Variants in FSTL5 observed in about 807,000 individuals in gnomAD.
The protein encoded by FSTL5 is follistatin like 5, also known as follistatin-related protein 5.
Under a neutral mutation model 89.1 loss-of-function variants are expected in FSTL5, and 62 were observed. That is an observed-to-expected ratio of 0.70 (90% CI 0.57 to 0.86). The LOEUF (loss-of-function observed/expected upper bound fraction) is 0.86. Ranked by LOEUF, FSTL5 falls within the 40% of genes least tolerant of loss-of-function variation. FSTL5 has a pLI of 0.00. For synonymous variants in FSTL5, 383 were observed against 346.2 expected (o/e 1.11, Z -1.18); for missense variants, 1,057 against 1,001.6 (o/e 1.06, Z -0.75).
chr4:161,969,464 G>T (rs1287875823), intron 3 of FSTL5, among the ~76,000 whole-genome samples: 2 of 152,066 alleles, frequency 1.3e-5, no homozygotes, highest in African/African-American at 4.8e-5. Context: ...AGCAGAATTT[G>T]TTAGAAAAGA....
chr4:162,045,754 T>C (rs1349629144), intron 2 of FSTL5, among the ~76,000 whole-genome samples: 1 of 152,088 alleles, frequency 6.6e-6, no homozygotes, highest in African/African-American at 2.4e-5. Context: ...TATAAAGAGG[T>C]ATGCTTGTTG....
intron 3 of FSTL5, among the ~76,000 whole-genome samples, chr4:161,988,744 A>G (rs866118210): frequency 1.3e-5 from 2 of 152,148 alleles, no homozygotes; most frequent in Middle Eastern, 3.2e-3. Context: ...TAAGAAATAT[A>G]AGATGCTAAG....
chr4:161,660,990 ATAAT>A (rs1360314331), intron 6 of FSTL5, among the ~76,000 whole-genome samples: 1 of 152,078 alleles, frequency 6.6e-6, no homozygotes, highest in Non-Finnish European at 1.5e-5. Flanking sequence ...TTGTAATAGG[ATAAT>A]TAATATTGTA....
chr4:161,585,431 G>A (rs1412316084), intron 8 of FSTL5, among the ~76,000 whole-genome samples: 1 of 152,064 alleles, frequency 6.6e-6, no homozygotes, highest in Admixed American at 6.6e-5. Context: ...TTTCTTTTAT[G>A]TGATTCTGAT....
chr4:161,446,212 A>G (rs191019108), intron 15 of FSTL5, among the ~76,000 whole-genome samples: 50 of 152,154 alleles, frequency 3.3e-4, no homozygotes, highest in African/African-American at 1.1e-3. Flanking sequence ...AGCCACCATC[A>G]CTAATTTTAC....
chr4:161,644,463 T>C (rs1283827554), intron 7 of FSTL5, among the ~76,000 whole-genome samples: 4 of 151,392 alleles, frequency 2.6e-5, no homozygotes, highest in East Asian at 2.0e-4. Flanking sequence ...GAGGTGGAGG[T>C]TGTAGTGAGC....
chr4:161,573,407 C>A lies in FSTL5; in HGVS notation c.1015+14048G>T, dbSNP rs1219315549. ...TCCAGCCTAGATGACAGACTAAAAC[C>A]CTGTCAAAAAAAAAAAAAAAAAAAG... On this transcript the variant is annotated intron_variant, in intron 8 of 15. Coordinates refer to ENST00000306100, the MANE Select transcript of FSTL5 (RefSeq NM_020116.5). Among the ~76,000 whole-genome samples, 3 of 81,952 alleles carry A rather than the reference C, an allele frequency of 3.7e-5. No individual in the cohort carries two copies. In the East Asian group the frequency reaches 9.4e-4, roughly 26 times the overall value. The allele number at this position is 81,952 out of a possible 152,430, so 53.8% of individuals were successfully genotyped here.
At chr4:161,816,606 T>G (rs1730333613) in intron 4 of FSTL5, among the ~76,000 whole-genome samples, 2 of 152,336 alleles carry the variant, frequency 1.3e-5, no homozygotes, top group South Asian at 4.1e-4. Context: ...GAGGAACTCT[T>G]TCTGAGAAAT....
chr4:161,450,749 T>G (rs1455603188), intron 15 of FSTL5, among the ~76,000 whole-genome samples: 2 of 150,596 alleles, frequency 1.3e-5, no homozygotes, highest in African/African-American at 4.9e-5. Flanking sequence ...TCATTTTTTT[T>G]TTTTTTTTTT....
chr4:161,904,986 A>G (rs1733479647), intron 4 of FSTL5, among the ~76,000 whole-genome samples: 1 of 152,008 alleles, frequency 6.6e-6, no homozygotes, highest in South Asian at 2.1e-4. Flanking sequence ...TCATGAATTT[A>G]TTATTATCCA....
chr4:161,892,270 T>A (rs1426358255), intron 4 of FSTL5, among the ~76,000 whole-genome samples: 5 of 152,004 alleles, frequency 3.3e-5, no homozygotes, highest in African/African-American at 7.2e-5. Flanking sequence ...TGGCTTCCCT[T>A]CTTAGTGACA....
chr4:161,818,456 C>G (rs1730395730), intron 4 of FSTL5, among the ~76,000 whole-genome samples: 1 of 152,182 alleles, frequency 6.6e-6, no homozygotes. Context: ...TCAACACAAG[C>G]CGCCTATGGA....
At chr4:161,828,471 G>T (rs1730737506) in intron 4 of FSTL5, among the ~76,000 whole-genome samples, 1 of 152,066 alleles carries the variant, frequency 6.6e-6, no homozygotes, top group Non-Finnish European at 1.5e-5. Context: ...ATTTAGTCCT[G>T]CCTTCTATCT....
At chr4:161,389,371 T>G (rs944427450) in intron 15 of FSTL5, among the ~76,000 whole-genome samples, 8 of 152,150 alleles carry the variant, frequency 5.3e-5, no homozygotes, top group Non-Finnish European at 2.9e-5. Context: ...GCTCTCAGCA[T>G]AGCATGGTAT....
At chr4:161,590,477 T>A (rs1358430825) in intron 7 of FSTL5, among the ~76,000 whole-genome samples, 9 of 152,160 alleles carry the variant, frequency 5.9e-5, no homozygotes, top group Middle Eastern at 3.2e-3. Flanking sequence ...AGGTGGAGGT[T>A]GCAGTGAGCC....
intron 1 of FSTL5, among the ~76,000 whole-genome samples, chr4:162,137,805 T>C (rs1003215878): frequency 1.1e-4 from 17 of 152,324 alleles, no homozygotes; most frequent in Non-Finnish European, 1.3e-4. Flanking sequence ...GATACCATTA[T>C]ATTTCTATCG....
Position 161,481,001 on chromosome 4 carries a change from AAGT to A in FSTL5, c.1608+16_1608+18del. On this transcript the variant is annotated intron_variant, in intron 13 of 15. Transcript: ENST00000306100. The stretch of plus-strand genomic sequence containing the variant: ...ATTTTTTAAAGATTTACTTTTTAAA[AAGT>A]AGTAATTATTCATACCTGAACAACT... 1 of 1,551,176 alleles carries A rather than the reference AAGT, an allele frequency of 6.4e-7. No individual in the cohort carries two copies. The highest frequency in any genetic ancestry group is 8.8e-7 in the Non-Finnish European group (1 of 1,136,234).
chr4:161,624,826 T>G (rs926348155), intron 7 of FSTL5, among the ~76,000 whole-genome samples: 1 of 152,190 alleles, frequency 6.6e-6, no homozygotes. Flanking sequence ...AACCAGTATA[T>G]GTTTTGTAGA....
intron 8 of FSTL5, among the ~76,000 whole-genome samples, chr4:161,550,929 C>T (rs1223939663): frequency 6.6e-6 from 1 of 151,838 alleles, no homozygotes; most frequent in Non-Finnish European, 1.5e-5. Flanking sequence ...TTTTTTATGG[C>T]TGCATAGTAT....
Sources: gnomAD v4.1 joint callset for allele counts (sites outside exome capture counted in the v4.1 genomes callset) on GRCh38, gnomAD v4.1.1 for gene constraint, MANE v1.5 for transcripts, NCBI Gene and HGNC (gene_info 2026-07-23, HGNC 2026-07-21) for gene names.